Variants in BET1L observed in about 807,000 individuals in gnomAD.
BET1L encodes BET1-like protein.
Under a neutral mutation model 12.6 loss-of-function variants are expected in BET1L, and 13 were observed. The ratio of observed to expected loss-of-function variants is 1.03; its 90% confidence interval spans 0.67 to 1.64. The LOEUF (loss-of-function observed/expected upper bound fraction) is 1.64. Among genes scored for constraint, BET1L ranks in the 40% most tolerant of loss-of-function variants. The pLI is 0.00. For synonymous variants in BET1L, 60 were observed against 56.9 expected, an observed-to-expected ratio of 1.05 and a Z score of -0.25; for missense variants, 154 against 150.7, an observed-to-expected ratio of 1.02 and a Z score of -0.11.
In BET1L at chr11:205,972, T is replaced by C. The variant is rs1855142018; in HGVS notation, c.91A>G (p.Lys31Glu). 1.9e-6 allele frequency: 3 copies of C among 1,614,070 alleles called. No individual in the cohort carries two copies. The highest frequency in any genetic ancestry group is 1.3e-5 in the African/African-American group (1 of 75,046). Residue 31 changes from lysine (K) to glutamate (E), a missense_variant, in exon 2 of 4, where the codon AAA (lysine) becomes GAA (glutamate). Lys to Glu is a moderately conservative substitution (Grantham distance 56). Transcript: ENST00000382762. Reference sequence around the variant, plus strand: ...CTGACCGATTTGAGCCTGGTGACTTTGGAGGCCAGGCTGTCAGCCATTCGC... The same window carrying C: ...CTGACCGATTTGAGCCTGGTGACTTCGGAGGCCAGGCTGTCAGCCATTCGC... ...NKRMADSLAS[K>E]VTRLKSLALD...
rs1564796971 is a variant in BET1L, at chr11:207,359, C to CGGCCACAGTCGCCTCAGACGT, written c.-39_-38insACGTCTGAGGCGACTGTGGCC. 2 of 1,506,400 alleles carry CGGCCACAGTCGCCTCAGACGT rather than the reference C, an allele frequency of 1.3e-6. No homozygotes were observed. Among genetic ancestry groups the CGGCCACAGTCGCCTCAGACGT allele is most frequent in the African/African-American group, 1.4e-5 (1 of 69,762 alleles). 93.3% of individuals were successfully genotyped at this position (1,506,400 alleles called of 1,614,324 possible). Reference sequence around the variant, plus strand: ...CGGCTCCTCGACGCGGACACCGACGCGGCCACAGCCGCCTCAGACGTGGCG... The same window carrying CGGCCACAGTCGCCTCAGACGT: ...CGGCTCCTCGACGCGGACACCGACGCGGCCACAGTCGCCTCAGACGTGGCCACAGCCGCCTCAGACGTGGCG... On this transcript the variant is annotated 5_prime_UTR_variant, in exon 1 of 4. Coordinates refer to ENST00000382762, the MANE Select transcript of BET1L (RefSeq NM_001098787.2).
At position 205,208 on chromosome 11, in the gene BET1L, G is replaced by T; in HGVS notation, c.*94C>A. 7.1e-7 allele frequency: 1 copy of T among 1,406,654 alleles called. No individual in the cohort carries two copies. Among genetic ancestry groups the T allele is most frequent in the Non-Finnish European group, 9.5e-7 (1 of 1,049,682 alleles). 87.1% of individuals were successfully genotyped at this position (1,406,654 alleles called of 1,614,324 possible). ...CTGACCCACAATTATCATTGCAAAG[G>T]AGTATTTTGTAGGTAAGTCCTCTGG... is the stretch of plus-strand genomic sequence containing the variant. On this transcript the variant is annotated 3_prime_UTR_variant, in exon 4 of 4. Transcript: ENST00000382762.
In BET1L at chr11:203,223, CCTT is replaced by C. The variant is rs1205163151; in HGVS notation, c.*2076_*2078del. 6.6e-6 allele frequency: 1 copy of C among 152,236 alleles called. No individual in the cohort carries two copies. The highest frequency in any genetic ancestry group is 1.5e-5 in the Non-Finnish European group (1 of 68,054). The allele number at this position is 152,236 out of a possible 1,614,324, so 9.4% of individuals were successfully genotyped here. ...GGATGCCACTCTCCCTTTGTGGAAT[CCTT>C]CTTAATACAAGAGTGAGAAGCAGAA... On this transcript the variant is annotated 3_prime_UTR_variant, in exon 4 of 4. Coordinates refer to ENST00000382762, the MANE Select transcript of BET1L (RefSeq NM_001098787.2).
chr11:206,212 G>A (rs1855151503), intron 1 of BET1L, among the ~76,000 whole-genome samples, 169 bp from the exon 2 acceptor site: 1 of 152,186 alleles, frequency 6.6e-6, no homozygotes, highest in South Asian at 2.1e-4. Context: ...ATGTGTGTAA[G>A]GGCCTGTCAT....
intron 3 of BET1L, 30 bp downstream of exon 3, chr11:205,581 C>A (rs1046803037): frequency 4.3e-6 from 7 of 1,614,086 alleles, no homozygotes; most frequent in Non-Finnish European, 5.9e-6. Context: ...TAGGGCAGGG[C>A]ACTGATACAC....
At chr11:207,282 G>C in intron 1 of BET1L, 21 bp downstream of exon 1, 1 of 1,530,268 alleles carries the variant, frequency 6.5e-7, no homozygotes, top group South Asian at 1.2e-5. Flanking sequence ...GCCCCCAACG[G>C]CTCCGCTCTC....
At chr11:205,920 A>C (rs746143691) in intron 2 of BET1L, 32 bp downstream of exon 2, 2 of 1,602,128 alleles carry the variant, frequency 1.2e-6, no homozygotes, top group South Asian at 1.1e-5. Context: ...CAAAGGCACC[A>C]GGTGGAGGTA....
At position 207,368 on chromosome 11, in the gene BET1L, C is replaced by T. The variant is rs910985688; in HGVS notation, c.-47G>A. On this transcript the variant is annotated 5_prime_UTR_variant, in exon 1 of 4. Coordinates refer to ENST00000382762, the MANE Select transcript of BET1L (RefSeq NM_001098787.2). ...GACGCGGACACCGACGCGGCCACAGCCGCCTCAGACGTGGCGCAGTCGCGG... is the reference window on the plus strand; with the variant it reads ...GACGCGGACACCGACGCGGCCACAGTCGCCTCAGACGTGGCGCAGTCGCGG... The T allele has an allele frequency of 7.2e-6, 11 of 1,536,982 alleles. No individual in the cohort carries two copies. Among genetic ancestry groups the T allele is most frequent in the Non-Finnish European group, 9.6e-6 (11 of 1,149,336 alleles).
Position 205,940 on chromosome 11 carries a change from AC to A in BET1L, c.111+11del. 1 of 1,613,136 alleles carries A rather than the reference AC, an allele frequency of 6.2e-7. No individual in the cohort carries two copies. Among genetic ancestry groups the A allele is most frequent in the Non-Finnish European group, 8.5e-7 (1 of 1,179,276 alleles). ...GCACCAGGTGGAGGTAAGAGGACAG[AC>A]CACCACTGACCGATTTGAGCCTGGT... On this transcript the variant is annotated intron_variant, in intron 2 of 3. Transcript: ENST00000382762.
Position 206,003 on chromosome 11 carries a change from C to G in BET1L, c.60G>C (p.Glu20Asp), listed in dbSNP as rs777486958. ...CCAGGCTGTCAGCCATTCGCTTGTTCTCCCGGTCTAGAATCTCTTCCACAG... is the reference window on the plus strand; with the variant it reads ...CCAGGCTGTCAGCCATTCGCTTGTTGTCCCGGTCTAGAATCTCTTCCACAG... ...PGAVEEILDR[E>D]NKRMADSLAS... Residue 20 changes from glutamate to aspartate, a missense_variant, in exon 2 of 4, where the codon GAG (glutamate) becomes GAC (aspartate). Coordinates refer to ENST00000382762, the MANE Select transcript of BET1L (RefSeq NM_001098787.2). 9.3e-6 allele frequency: 15 copies of G among 1,614,108 alleles called. No individual in the cohort carries two copies. In the South Asian group the frequency reaches 1.6e-4, roughly 18 times the overall value.
intron 1 of BET1L, 51 bp from the exon 2 acceptor site, chr11:206,094 C>T: frequency 6.6e-7 from 1 of 1,523,656 alleles, no homozygotes; most frequent in Non-Finnish European, 9.1e-7. Context: ...AGCACGGCCC[C>T]TGACCCCTCT....
Position 205,631 on chromosome 11 carries a change from T to A in BET1L, c.148A>T (p.Asn50Tyr). 3 of 1,613,386 alleles carry A rather than the reference T, an allele frequency of 1.9e-6. No homozygotes were observed. The highest frequency in any genetic ancestry group is 2.5e-6 in the Non-Finnish European group (3 of 1,179,738). The change falls in exon 3 of 4, where the codon AAC (asparagine) becomes TAC (tyrosine). Residue 50 changes from asparagine (N) to tyrosine (Y), a missense_variant. By Grantham distance (143) the Asn-to-Tyr change is moderately radical. Transcript: ENST00000382762. ...CTTACCATGCCATCCAGGTACCGGT[T>A]CTGATCCTCTGCATCCCTATCGATG... Reference protein sequence around the residue: ...LDIDRDAEDQNRYLDGMDSDF... With the variant: ...LDIDRDAEDQYRYLDGMDSDF...
At position 203,148 on chromosome 11, in the gene BET1L, G is replaced by A. The variant is rs1248923346; in HGVS notation, c.*2154C>T. On this transcript the variant is annotated 3_prime_UTR_variant, in exon 4 of 4. Coordinates refer to ENST00000382762, the MANE Select transcript of BET1L (RefSeq NM_001098787.2). Reference sequence around the variant, plus strand: ...CAGGTGTACAGGGCTGAGCTGGAGGGTTAGGGTCAGGGCCCCTCAGGAAAC... The same window carrying A: ...CAGGTGTACAGGGCTGAGCTGGAGGATTAGGGTCAGGGCCCCTCAGGAAAC... 6.6e-6 allele frequency: 1 copy of A among 152,242 alleles called. No individual in the cohort carries two copies. Among genetic ancestry groups the A allele is most frequent in the African/African-American group, 2.4e-5 (1 of 41,432 alleles). 9.4% of individuals were successfully genotyped at this position (152,242 alleles called of 1,614,324 possible).
At position 205,130 on chromosome 11, in the gene BET1L, A is replaced by C. The variant is rs905186199; in HGVS notation, c.*172T>G. ...TTCACACATGGGACCAGCCAACATG[A>C]GCTCATCAGGTCACAGGCAGCCGCA... On this transcript the variant is annotated 3_prime_UTR_variant, in exon 4 of 4. Coordinates refer to ENST00000382762, the MANE Select transcript of BET1L (RefSeq NM_001098787.2). The C allele has an allele frequency of 5.4e-5, 46 of 857,616 alleles. No individual in the cohort carries two copies. Among genetic ancestry groups the C allele is most frequent in the Middle Eastern group, 7.2e-4 (2 of 2,796 alleles). The allele number at this position is 857,616 out of a possible 1,614,324, so 53.1% of individuals were successfully genotyped here. A position where few individuals can be genotyped will look rare whatever the true frequency, so the allele number is the denominator to read the frequency against.
Position 205,203 on chromosome 11 carries a change from C to T in BET1L, c.*99G>A, listed in dbSNP as rs117964917. 5.5e-4 allele frequency: 775 copies of T among 1,399,262 alleles called. 7 individuals carry two copies. The East Asian group carries it at 0.016, about 28-fold the overall frequency. The allele number at this position is 1,399,262 out of a possible 1,614,324, so 86.7% of individuals were successfully genotyped here. A position where few individuals can be genotyped will look rare whatever the true frequency, so the allele number is the denominator to read the frequency against. On this transcript the variant is annotated 3_prime_UTR_variant, in exon 4 of 4. Coordinates refer to ENST00000382762, the MANE Select transcript of BET1L (RefSeq NM_001098787.2). ...GATTCCTGACCCACAATTATCATTG[C>T]AAAGGAGTATTTTGTAGGTAAGTCC...
rs764925251 is a variant in BET1L, at chr11:205,427, C to T, written c.211G>A (p.Val71Met). 8 of 1,614,234 alleles carry T rather than the reference C, an allele frequency of 5.0e-6. No individual in the cohort carries two copies. The highest frequency in any genetic ancestry group is 2.2e-5 in the East Asian group (1 of 44,888). ...CTTGCCATTGTGGAAAAGCGCTTCACGCTCCCTGTAAGCAGGCTGGTCATG... is the reference window on the plus strand; with the variant it reads ...CTTGCCATTGTGGAAAAGCGCTTCATGCTCCCTGTAAGCAGGCTGGTCATG... ...TSMTSLLTGSVKRFSTMARSG... is the reference protein window; with the variant it reads ...TSMTSLLTGSMKRFSTMARSG... Residue 71 changes from valine to methionine, a missense_variant, in exon 4 of 4, where the codon GTG becomes ATG. Coordinates refer to ENST00000382762, the MANE Select transcript of BET1L (RefSeq NM_001098787.2).
chr11:204,857 G>C lies in BET1L; in HGVS notation c.*445C>G, dbSNP rs1264085774. 5.3e-6 allele frequency: 1 copy of C among 189,420 alleles called. No homozygotes were observed. The highest frequency in any genetic ancestry group is 2.4e-5 in the African/African-American group (1 of 42,376). The allele number at this position is 189,420 out of a possible 1,614,324, so 11.7% of individuals were successfully genotyped here. On this transcript the variant is annotated 3_prime_UTR_variant, in exon 4 of 4. Transcript: ENST00000382762. ...GGGTTCACAGCCCCTTCCTGTGTCA[G>C]TTCCAGGAACCTTGGATCACAGACA...
At chr11:207,174 C>G (rs1855188546) in intron 1 of BET1L, 129 bp downstream of exon 1, 2 of 1,252,204 alleles carry the variant, frequency 1.6e-6, no homozygotes, top group South Asian at 3.0e-5. Context: ...CCGAATCCGC[C>G]CCCCTGACAG....
At chr11:206,818 C>T (rs1855173797) in intron 1 of BET1L, among the ~76,000 whole-genome samples, 1 of 152,236 alleles carries the variant, frequency 6.6e-6, no homozygotes, top group Non-Finnish European at 1.5e-5. Flanking sequence ...TTTATAAATT[C>T]CTTTAATCAT....
Sources: gnomAD v4.1 joint callset for allele counts (sites outside exome capture counted in the v4.1 genomes callset) on GRCh38, gnomAD v4.1.1 for gene constraint, MANE v1.5 for transcripts, NCBI Gene and HGNC (gene_info 2026-07-23, HGNC 2026-07-21) for gene names.